KLHL4: variants seen among roughly 807,000 people sequenced by gnomAD.
KLHL4 encodes the protein kelch-like protein 4.
In KLHL4, 17 loss-of-function variants were observed where a neutral mutation model predicts 45.8. The ratio of observed to expected loss-of-function variants is 0.37; its 90% CI spans 0.25 to 0.56. KLHL4 has a LOEUF of 0.56. Ranked by LOEUF, KLHL4 falls within the 20% of genes least tolerant of loss-of-function variation. KLHL4 has a pLI of 0.79. For synonymous variants in KLHL4, 224 were observed against 189.9 expected (o/e 1.18, Z -1.47); for missense variants, 544 against 544.9 (o/e 1.00, Z 0.02).
chrX:87,543,541 C>T (rs960453879), intron 1 of KLHL4, among the ~76,000 whole-genome samples: 1 of 111,170 alleles, frequency 9.0e-6, no homozygotes, highest in African/African-American at 3.3e-5. Context: ...GAGAGCTTCT[C>T]TGGGTGCTGG....
rs1030398023 is a variant in KLHL4 at position 87,574,947 on chromosome X, T to A, written c.423-38930T>A. ...TAATATTATTTCTAGCCTAGAATGT[T>A]ATGATAAAAAAGTGATGTAACAGGA... On this transcript the variant is annotated intron_variant, in intron 1 of 10. Transcript: ENST00000373119. 6.3e-5 allele frequency among the ~76,000 whole-genome samples: 7 copies of A among 111,878 alleles called. No individual in the cohort carries two copies. In the Admixed American group the frequency reaches 6.7e-4, roughly 11 times the overall value.
chrX:87,584,264 ATAC>A (rs1420638165), intron 1 of KLHL4, among the ~76,000 whole-genome samples: 1 of 111,885 alleles, frequency 8.9e-6, no homozygotes. Flanking sequence ...CAGACAATAA[ATAC>A]TACAATAAAT....
chrX:87,649,663 A>C (rs1280416408), intron 9 of KLHL4, among the ~76,000 whole-genome samples: 1 of 111,719 alleles, frequency 9.0e-6, no homozygotes, highest in Non-Finnish European at 1.9e-5. Flanking sequence ...TCTTACCTTC[A>C]GGCCTTTGAC....
rs776194708 is a variant in KLHL4 at position 87,553,999 on chromosome X, G to C, written c.422+35684G>C. On this transcript the variant is annotated intron_variant, in intron 1 of 10. Transcript: ENST00000373119. ...AATCCTTTCCCCATTGCTTGTTTTT[G>C]TCAGGTTTGTCAAAGATCAGATAAT... Among the ~76,000 whole-genome samples the C allele has an allele frequency of 7.4e-5, 8 of 108,325 alleles. 1 individual carries two copies. Among genetic ancestry groups the C allele is most frequent in the African/African-American group, 1.0e-4 (3 of 29,777 alleles). The allele number at this position is 108,325 out of a possible 115,157, so 94.1% of individuals were successfully genotyped here.
chrX:87,559,582 A>C (rs1436945929), intron 1 of KLHL4, among the ~76,000 whole-genome samples: 1 of 111,895 alleles, frequency 8.9e-6, no homozygotes, highest in Non-Finnish European at 1.9e-5. Flanking sequence ...AAACCAAGAA[A>C]GTGTATTGCT....
intron 1 of KLHL4, among the ~76,000 whole-genome samples, chrX:87,530,194 GC>G (rs1931221133): frequency 9.0e-6 from 1 of 110,541 alleles, no homozygotes; most frequent in Admixed American, 9.7e-5. Flanking sequence ...TGAAGTCCTT[GC>G]CCATGCCTAT....
intron 1 of KLHL4, among the ~76,000 whole-genome samples, chrX:87,609,538 G>A (rs1922304929): frequency 8.9e-6 from 1 of 112,120 alleles, no homozygotes. Context: ...TCATGTGTCT[G>A]TTGGCTGCAT....
chrX:87,588,102 G>T (rs890799919), intron 1 of KLHL4, among the ~76,000 whole-genome samples: 2 of 111,194 alleles, frequency 1.8e-5, no homozygotes, highest in African/African-American at 6.5e-5. Context: ...CCAAGGAAGT[G>T]AAAGATATAT....
intron 1 of KLHL4, among the ~76,000 whole-genome samples, chrX:87,535,038 A>C (rs1931400037): frequency 8.9e-6 from 1 of 112,021 alleles, no homozygotes; most frequent in South Asian, 3.7e-4. Flanking sequence ...GATACACTTG[A>C]ACTTACCATA....
chrX:87,528,258 C>T (rs193238812), intron 1 of KLHL4, among the ~76,000 whole-genome samples: 1 of 110,991 alleles, frequency 9.0e-6, no homozygotes, highest in East Asian at 2.8e-4. Context: ...AATAAAAATA[C>T]AATTGTAAGC....
rs182415708 is a variant in KLHL4 at position 87,544,559 on chromosome X, C to A, written c.422+26244C>A. ...AGTACATTTATAGTGATGGTGGCCA[C>A]AAGGGTATTTGTGTCAGTCCACACC... is the stretch of plus-strand genomic sequence containing the variant. On this transcript the variant is annotated intron_variant, in intron 1 of 10. Coordinates refer to ENST00000373119, the MANE Select transcript of KLHL4 (RefSeq NM_019117.5). Among the ~76,000 whole-genome samples the A allele has an allele frequency of 1.2e-4, 13 of 111,445 alleles. No individual in the cohort carries two copies. The East Asian group carries it at 3.7e-3, about 32-fold the overall frequency.
intron 1 of KLHL4, among the ~76,000 whole-genome samples, chrX:87,553,175 C>T (rs971758082): frequency 3.6e-5 from 4 of 110,022 alleles, no homozygotes; most frequent in African/African-American, 1.3e-4. Flanking sequence ...TTAGCTCTGG[C>T]GGTTTGTAGT....
At chrX:87,555,360 G>A (rs1196456622) in intron 1 of KLHL4, among the ~76,000 whole-genome samples, 1 of 110,693 alleles carries the variant, frequency 9.0e-6, no homozygotes, top group Non-Finnish European at 1.9e-5. Flanking sequence ...GACTCTTTTT[G>A]GTTGGTAAGC....
chrX:87,556,421 A>C (rs1364954442), intron 1 of KLHL4, among the ~76,000 whole-genome samples: 1 of 108,644 alleles, frequency 9.2e-6, no homozygotes, highest in Non-Finnish European at 1.9e-5. Context: ...CTATCACAAG[A>C]ACAAAAAACC....
At chrX:87,551,871 T>A (rs911768534) in intron 1 of KLHL4, among the ~76,000 whole-genome samples, 1 of 111,186 alleles carries the variant, frequency 9.0e-6, no homozygotes, top group African/African-American at 3.3e-5. Context: ...TGAAACTGAA[T>A]CCTCATCTCT....
chrX:87,630,604 C>T (rs1288479060), intron 6 of KLHL4, among the ~76,000 whole-genome samples: 1 of 111,394 alleles, frequency 9.0e-6, no homozygotes, highest in Non-Finnish European at 1.9e-5. Context: ...TCAGCTTTTA[C>T]TAAAAAATAG....
chrX:87,601,338 T>C (rs1364226920), intron 1 of KLHL4, among the ~76,000 whole-genome samples: 1 of 111,598 alleles, frequency 9.0e-6, no homozygotes, highest in Non-Finnish European at 1.9e-5. Flanking sequence ...TTTGCATTTC[T>C]TCTCCCCAGA....
chrX:87,530,226 G>T (rs1457156369), intron 1 of KLHL4, among the ~76,000 whole-genome samples: 1 of 110,109 alleles, frequency 9.1e-6, no homozygotes, highest in Non-Finnish European at 1.9e-5. Flanking sequence ...GTAATGCCTA[G>T]GTTTTCTTCT....
intron 1 of KLHL4, among the ~76,000 whole-genome samples, chrX:87,549,101 T>TA (rs1231595518): frequency 9.1e-6 from 1 of 109,384 alleles, no homozygotes; most frequent in Non-Finnish European, 1.9e-5. Flanking sequence ...CAATGGAAAC[T>TA]AAAAAAGAGC....
Sources: gnomAD v4.1 joint callset for allele counts (sites outside exome capture counted in the v4.1 genomes callset) on GRCh38, gnomAD v4.1.1 for gene constraint, MANE v1.5 for transcripts, NCBI Gene and HGNC (gene_info 2026-07-23, HGNC 2026-07-21) for gene names.